The following FASTKD5 variants were observed in gnomAD, a reference collection of about 807,000 sequenced individuals.
FASTKD5 encodes the protein non-canonical pre-mRNAs endonuclease FASTKD5, mitochondrial.
Under a neutral mutation model 44.0 loss-of-function variants are expected in FASTKD5, and 30 were observed. The observed-to-expected ratio is 0.68, with a 90% confidence interval of 0.51 to 0.93. The LOEUF (loss-of-function observed/expected upper bound fraction) is 0.93, where lower values mean the gene tolerates loss of function less well. Ranked by LOEUF, FASTKD5 falls within the 40% of genes least tolerant of loss-of-function variation. The pLI is 0.00. For synonymous variants in FASTKD5, 335 were observed against 342.2 expected, an observed-to-expected ratio of 0.98 and a Z score of 0.23; for missense variants, 868 against 908.2, an observed-to-expected ratio of 0.96 and a Z score of 0.57.
At chr20:3,150,035 G>A (rs1461292178) in intron 1 of FASTKD5, among the ~76,000 whole-genome samples, 4 of 146,802 alleles carry the variant, frequency 2.7e-5, no homozygotes, top group East Asian at 2.0e-4. Context: ...AAAAAAAAAA[G>A]ATTTAATTAG....
Position 3,152,780 on chromosome 20 carries a change from C to T in FASTKD5, c.-190-3520G>A, listed in dbSNP as rs150137892. On this transcript the variant is annotated intron_variant, in intron 1 of 1. Coordinates refer to ENST00000380266, the MANE Select transcript of FASTKD5 (RefSeq NM_021826.5). ...AAAATTAGCTGGGCGTGGTAGTGCG[C>T]CTGTAATCCCAGCTACTTGAGAGGC... 5.7e-3 allele frequency among the ~76,000 whole-genome samples: 869 copies of T among 151,798 alleles called. 13 individuals carry two copies. The highest frequency in any genetic ancestry group is 0.02 in the African/African-American group (815 of 41,406).
At position 3,149,404 on chromosome 20, in the gene FASTKD5, T is replaced by C; in HGVS notation, c.-190-144A>G. ...TAAATGCCCAAACCACATGACAGCA[T>C]ATATCAAGGATAAATTCTGCGGTCT... On this transcript the variant is annotated intron_variant, in intron 1 of 1. Coordinates refer to ENST00000380266, the MANE Select transcript of FASTKD5 (RefSeq NM_021826.5). The surrounding 1 kb of genome is among the most constrained non-coding windows in gnomAD (Gnocchi z 4.1). 7.0e-6 allele frequency: 2 copies of C among 286,220 alleles called. No homozygotes were observed. The highest frequency in any genetic ancestry group is 1.3e-4 in the South Asian group (2 of 15,940). 17.7% of individuals were successfully genotyped at this position (286,220 alleles called of 1,614,324 possible).
chr20:3,152,556 C>T (rs2148625345), intron 1 of FASTKD5, among the ~76,000 whole-genome samples: 1 of 152,042 alleles, frequency 6.6e-6, no homozygotes, highest in Non-Finnish European at 1.5e-5. Context: ...TTTAATCCAC[C>T]ACAATGTGCA....
intron 1 of FASTKD5, among the ~76,000 whole-genome samples, chr20:3,150,180 G>A (rs752150831): frequency 6.6e-6 from 1 of 152,100 alleles, no homozygotes; most frequent in Admixed American, 6.6e-5. Flanking sequence ...CAGAATTTGA[G>A]TCACTATTAG....
At position 3,146,927 on chromosome 20, in the gene FASTKD5, A is replaced by G. The variant is rs1268583959; in HGVS notation, c.2144T>C (p.Leu715Pro). The G allele has an allele frequency of 6.2e-7, 1 of 1,614,158 alleles. No homozygotes were observed. Among genetic ancestry groups the G allele is most frequent in the Non-Finnish European group, 8.5e-7 (1 of 1,180,030 alleles). ...NQYCYGSRDL[L>P]GLHNMKRRQL... ...CCGCCTCTTCATATTGTGCAGTCCA[A>G]GGAGATCCCTGGAGCCATAGCAATA... The change falls in exon 2 of 2, where the codon CTT becomes CCT. Residue 715 changes from leucine to proline, a missense_variant. Leu to Pro is a moderately conservative substitution (Grantham distance 98). Transcript: ENST00000380266.
In FASTKD5 at chr20:3,148,743, C is replaced by T. The variant is rs2066594320; in HGVS notation, c.328G>A (p.Asp110Asn). 1.2e-6 allele frequency: 2 copies of T among 1,614,218 alleles called. No individual in the cohort carries two copies. The highest frequency in any genetic ancestry group is 1.7e-6 in the Non-Finnish European group (2 of 1,180,048). ...GVDEEDVEVFDSFENMRVFLQ... is the reference protein window; with the variant it reads ...GVDEEDVEVFNSFENMRVFLQ... ...AAAACTCGCATGTTTTCAAAGGAAT[C>T]AAACACTTCTACGTCCTCTTCATCA... is the stretch of plus-strand genomic sequence containing the variant. The change falls in exon 2 of 2, where the codon GAT becomes AAT. Residue 110 changes from aspartate (D) to asparagine (N), a missense_variant. By Grantham distance (23) the Asp-to-Asn change is conservative (BLOSUM62 1). Transcript: ENST00000380266.
rs1232851155 is a variant in FASTKD5, at chr20:3,149,615, CA to C, written c.-190-356del. On this transcript the variant is annotated intron_variant, in intron 1 of 1. Coordinates refer to ENST00000380266, the MANE Select transcript of FASTKD5 (RefSeq NM_021826.5). This position sits in a 1 kb window ranked among gnomAD's most constrained non-coding sequence, Gnocchi z 4.1. ...AAAGAAGGCTGGGAACAAAAGTGAGCAACTCCTTCCATCTCTTTGATATCAA... is the reference window on the plus strand; with the variant it reads ...AAAGAAGGCTGGGAACAAAAGTGAGCACTCCTTCCATCTCTTTGATATCAA... Among the ~76,000 whole-genome samples, 4 of 152,186 alleles carry C rather than the reference CA, an allele frequency of 2.6e-5. No individual in the cohort carries two copies. The highest frequency in any genetic ancestry group is 9.7e-5 in the African/African-American group (4 of 41,440).
chr20:3,159,004 T>C (rs941789070), intron 1 of FASTKD5, among the ~76,000 whole-genome samples: 2 of 152,198 alleles, frequency 1.3e-5, no homozygotes, highest in Non-Finnish European at 2.9e-5. Context: ...GATGAAGCAC[T>C]GTCCAAGGGT....
At chr20:3,152,042 T>C (rs905913353) in intron 1 of FASTKD5, 3 of 143,250 alleles carry the variant, frequency 2.1e-5, no homozygotes, top group African/African-American at 8.1e-5. Flanking sequence ...GAGGCGGAGG[T>C]TGCAGTGAGC....
chr20:3,152,144 CA>C (rs1298074952), intron 1 of FASTKD5, among the ~76,000 whole-genome samples: 1 of 146,814 alleles, frequency 6.8e-6, no homozygotes, highest in African/African-American at 2.5e-5. Flanking sequence ...ACAGAGATAG[CA>C]GGTAACAGAA....
Position 3,148,668 on chromosome 20 carries a change from T to C in FASTKD5, c.403A>G (p.Thr135Ala), listed in dbSNP as rs2066593247. Residue 135 changes from threonine (T) to alanine (A), a missense_variant, in exon 2 of 2, where the codon ACT becomes GCT. By Grantham distance (58) the Thr-to-Ala change is moderately conservative. Transcript: ENST00000380266. Reference sequence around the variant, plus strand: ...TCTGAAACAGACAGGAGCTGAGAAGTCTCAGATGCATTATAGCTGTGAACA... The same window carrying C: ...TCTGAAACAGACAGGAGCTGAGAAGCCTCAGATGCATTATAGCTGTGAACA... ...YRVHSYNASE[T>A]SQLLSVSEGE... 6.2e-7 allele frequency: 1 copy of C among 1,614,168 alleles called. No individual in the cohort carries two copies. The highest frequency in any genetic ancestry group is 2.2e-5 in the East Asian group (1 of 44,884).
intron 1 of FASTKD5, among the ~76,000 whole-genome samples, chr20:3,152,898 T>A (rs1334220627): frequency 6.7e-6 from 1 of 149,960 alleles, no homozygotes; most frequent in East Asian, 1.9e-4. Flanking sequence ...AGAGCAAGAC[T>A]GTCTCAAAAA....
rs1392961802 is a variant in FASTKD5, at chr20:3,147,394, G to C, written c.1677C>G (p.Phe559Leu). 6.2e-7 allele frequency: 1 copy of C among 1,614,172 alleles called. No individual in the cohort carries two copies. Among genetic ancestry groups the C allele is most frequent in the South Asian group, 1.1e-5 (1 of 91,082 alleles). ...TCTCCAGTAAAAAGACAGTTTCTAAGAATTCAGGCTTTGAATTCATATCCT... is the reference window on the plus strand; with the variant it reads ...TCTCCAGTAAAAAGACAGTTTCTAACAATTCAGGCTTTGAATTCATATCCT... Reference protein sequence around the residue: ...AEKDMNSKPEFLETVFLLETM... With the variant: ...AEKDMNSKPELLETVFLLETM... The change falls in exon 2 of 2, where the codon TTC (phenylalanine) becomes TTG (leucine). Residue 559 changes from phenylalanine to leucine, a missense_variant. Phe to Leu is a conservative substitution (Grantham distance 22). Transcript: ENST00000380266.
rs1228156851 is a variant in FASTKD5, at chr20:3,148,554, A to C, written c.517T>G (p.Leu173Val). ...AAGACAGGATGCTGCTCTGCAGGCA[A>C]AGAGCTCAGCTTACACAAATAATCA... ...IVDYLCKLSSLPAEQHPVLLG... is the reference protein window; with the variant it reads ...IVDYLCKLSSVPAEQHPVLLG... Residue 173 changes from leucine (L) to valine (V), a missense_variant, in exon 2 of 2, where the codon TTG (leucine) becomes GTG (valine). Leu to Val is a conservative substitution (Grantham distance 32). Transcript: ENST00000380266. 1 of 1,614,182 alleles carries C rather than the reference A, an allele frequency of 6.2e-7. No individual in the cohort carries two copies. The highest frequency in any genetic ancestry group is 1.3e-5 in the African/African-American group (1 of 75,076).
intron 1 of FASTKD5, chr20:3,150,985 C>T (rs41310183): frequency 6.6e-6 from 1 of 152,188 alleles, no homozygotes; most frequent in African/African-American, 2.4e-5. Flanking sequence ...AGCAATCCTC[C>T]CACTTCAGCC....
At chr20:3,158,748 A>C (rs2066716213) in intron 1 of FASTKD5, among the ~76,000 whole-genome samples, 1 of 152,248 alleles carries the variant, frequency 6.6e-6, no homozygotes, top group Non-Finnish European at 1.5e-5. Context: ...TGCTGGGATT[A>C]CAGGCGTGAG....
intron 1 of FASTKD5, among the ~76,000 whole-genome samples, chr20:3,158,504 C>T (rs987539303): frequency 6.6e-6 from 1 of 152,150 alleles, no homozygotes; most frequent in East Asian, 1.9e-4. Flanking sequence ...GACGGACTCT[C>T]GCTCTCTCGC....
In FASTKD5 at chr20:3,149,163, C is replaced by T; in HGVS notation, c.-93G>A. 1.4e-6 allele frequency: 2 copies of T among 1,413,144 alleles called. No individual in the cohort carries two copies. Among genetic ancestry groups the T allele is most frequent in the Non-Finnish European group, 1.9e-6 (2 of 1,044,170 alleles). The allele number at this position is 1,413,144 out of a possible 1,614,324, so 87.5% of individuals were successfully genotyped here. On this transcript the variant is annotated 5_prime_UTR_variant, in exon 2 of 2. Transcript: ENST00000380266. The surrounding 1 kb of genome is among the most constrained non-coding windows in gnomAD (Gnocchi z 4.1). Reference sequence around the variant, plus strand: ...TTGTTTATATGGTGCTTGATTAGAGCTGGACGGGGAGGTGTTCCACAAAAA... The same window carrying T: ...TTGTTTATATGGTGCTTGATTAGAGTTGGACGGGGAGGTGTTCCACAAAAA...
intron 1 of FASTKD5, chr20:3,156,923 T>A (rs2066691940): frequency 6.6e-6 from 1 of 152,124 alleles, no homozygotes; most frequent in Non-Finnish European, 1.5e-5. Context: ...CCAACCCTAT[T>A]CTTGTCTCAG....
Sources: gnomAD v4.1 joint callset for allele counts (sites outside exome capture counted in the v4.1 genomes callset) on GRCh38, gnomAD v4.1.1 for gene constraint, Gnocchi (gnomAD v3.1) non-coding constraint, MANE v1.5 for transcripts, NCBI Gene and HGNC (gene_info 2026-07-23, HGNC 2026-07-21) for gene names.